Variants in DLGAP2 observed in about 807,000 individuals in gnomAD.
DLGAP2 encodes DLG associated protein 2.
DLGAP2 carries 26 observed loss-of-function variants against 100.3 expected under a neutral mutation model. The observed-to-expected ratio is 0.26, with a 90% CI of 0.19 to 0.36. The LOEUF (loss-of-function observed/expected upper bound fraction) is 0.36. Ranked by LOEUF, DLGAP2 falls within the 10% of genes least tolerant of loss-of-function variation. The probability of loss-of-function intolerance (pLI) is 1.00; values close to 1 mark genes in which losing one functional copy is unlikely to be tolerated. For synonymous variants in DLGAP2, 886 were observed against 630.1 expected (o/e 1.41, Z -6.08); for missense variants, 1,858 against 1,453.2 (o/e 1.28, Z -4.53).
chr8:977,368 C>A (rs926357778), intron 2 of DLGAP2, among the ~76,000 whole-genome samples: 7 of 152,324 alleles, frequency 4.6e-5, no homozygotes, highest in Admixed American at 3.3e-4. Flanking sequence ...GGCAGGTAAA[C>A]AATTTTATGT....
Position 990,217 on chromosome 8 carries a change from T to C in DLGAP2, c.73+82251T>C, listed in dbSNP as rs1800618304. ...GTGAGAGTATTCCCAACTTTTCACCTGTTATATTTGTGTCGTGATGTTGCC... is the reference window on the plus strand; with the variant it reads ...GTGAGAGTATTCCCAACTTTTCACCCGTTATATTTGTGTCGTGATGTTGCC... On this transcript the variant is annotated intron_variant, in intron 2 of 14. Transcript: ENST00000637795. 8.5e-5 allele frequency among the ~76,000 whole-genome samples: 13 copies of C among 152,130 alleles called. No individual in the cohort carries two copies. The South Asian group carries it at 2.7e-3, about 32-fold the overall frequency.
At chr8:1,055,561 A>T (rs1158980059) in intron 2 of DLGAP2, among the ~76,000 whole-genome samples, 1 of 152,192 alleles carries the variant, frequency 6.6e-6, no homozygotes, top group Non-Finnish European at 1.5e-5. Flanking sequence ...TAATGGCCCT[A>T]CTAATGTTTT....
At chr8:861,407 C>T (rs1797387719) in intron 1 of DLGAP2, among the ~76,000 whole-genome samples, 1 of 152,112 alleles carries the variant, frequency 6.6e-6, no homozygotes, top group Non-Finnish European at 1.5e-5. Context: ...TCTCCTCATG[C>T]TCGCAGTAGA....
At chr8:1,536,113 A>G (rs115614978) in intron 4 of DLGAP2, among the ~76,000 whole-genome samples, 1,994 of 152,310 alleles carry the variant, frequency 0.013, 44 homozygotes, top group African/African-American at 0.045. Context: ...ACAAGCACCT[A>G]GGGCAGGTGG....
intron 3 of DLGAP2, among the ~76,000 whole-genome samples, chr8:1,286,176 T>C (rs999084248): frequency 4.6e-5 from 7 of 152,072 alleles, no homozygotes; most frequent in African/African-American, 1.7e-4. Flanking sequence ...GATGTGATGG[T>C]TTTATAAGGG....
intron 2 of DLGAP2, among the ~76,000 whole-genome samples, chr8:1,147,512 T>G (rs1796629165): frequency 6.6e-6 from 1 of 151,674 alleles, no homozygotes; most frequent in South Asian, 2.1e-4. Context: ...CTCATCAAGA[T>G]GATTATGTAA....
chr8:1,036,205 G>C (rs1337319400), intron 2 of DLGAP2, among the ~76,000 whole-genome samples: 4 of 114,786 alleles, frequency 3.5e-5, no homozygotes, highest in Non-Finnish European at 5.5e-5. Context: ...TGGGTTCACA[G>C]CCTCATCCCG....
chr8:1,669,644 T>C, intron 9 of DLGAP2, 99 bp from the exon 10 acceptor site: 1 of 772,258 alleles, frequency 1.3e-6, no homozygotes. Context: ...CGTGCGGCGC[T>C]GGTAGCTAGG....
intron 2 of DLGAP2, among the ~76,000 whole-genome samples, chr8:1,009,450 C>A (rs971871452): frequency 6.6e-6 from 1 of 152,016 alleles, no homozygotes; most frequent in African/African-American, 2.4e-5. Context: ...GAGTTAATAC[C>A]CTAGGACAGA....
At chr8:1,105,560 C>G (rs1487938311) in intron 2 of DLGAP2, among the ~76,000 whole-genome samples, 3 of 149,764 alleles carry the variant, frequency 2.0e-5, no homozygotes, top group Non-Finnish European at 4.4e-5. Flanking sequence ...TGCCGGTGCA[C>G]TATCTACTGA....
intron 3 of DLGAP2, among the ~76,000 whole-genome samples, chr8:1,277,716 C>T (rs752145508): frequency 1.3e-5 from 2 of 152,040 alleles, no homozygotes; most frequent in Admixed American, 6.6e-5. Context: ...GCACCGAGGT[C>T]GGGGCAGGAA....
At chr8:1,610,393 G>A (rs1344152596) in intron 6 of DLGAP2, among the ~76,000 whole-genome samples, 7 of 151,408 alleles carry the variant, frequency 4.6e-5, no homozygotes, top group Admixed American at 3.3e-4. Context: ...AAAGCAGTGT[G>A]TAGAGGGAAA....
chr8:1,569,052 G>T (rs1349365231), intron 6 of DLGAP2, among the ~76,000 whole-genome samples: 8 of 144,146 alleles, frequency 5.5e-5, no homozygotes, highest in Non-Finnish European at 1.0e-4. Context: ...CAGCCCCCAT[G>T]CCACTGCCCA....
chr8:760,033 A>G (rs1299580965), intron 1 of DLGAP2, among the ~76,000 whole-genome samples: 3 of 152,204 alleles, frequency 2.0e-5, no homozygotes, highest in African/African-American at 7.2e-5. Flanking sequence ...GCTTTTTTGT[A>G]TAAGCCGAAC....
chr8:1,391,031 A>G (rs146683703), intron 3 of DLGAP2, among the ~76,000 whole-genome samples: 1 of 152,232 alleles, frequency 6.6e-6, no homozygotes, highest in African/African-American at 2.4e-5. Flanking sequence ...GTCATCTGGA[A>G]CACGTGCCTT....
intron 3 of DLGAP2, among the ~76,000 whole-genome samples, chr8:1,294,593 C>T (rs184292653): frequency 2.6e-5 from 4 of 152,200 alleles, no homozygotes; most frequent in African/African-American, 9.6e-5. Context: ...GGGTCAATGT[C>T]GAATTGGAAT....
At chr8:1,087,555 T>C (rs113387843) in intron 2 of DLGAP2, among the ~76,000 whole-genome samples, 28 of 84,004 alleles carry the variant, frequency 3.3e-4, no homozygotes, top group Non-Finnish European at 6.8e-4. Flanking sequence ...CTCTCTCTCT[T>C]TTTTTTTTTT....
In DLGAP2 at chr8:1,573,131, T is replaced by C. The variant is rs530944876; in HGVS notation, c.1442+7237T>C. ...TGAACTGTGGGGGCATCTGATGAGA[T>C]GGAGAGGAGAGATGGTGAACTGGAG... On this transcript the variant is annotated intron_variant, in intron 6 of 14. Transcript: ENST00000637795. Among the ~76,000 whole-genome samples the C allele has an allele frequency of 4.1e-4, 51 of 124,140 alleles. 2 individuals are homozygous for C. The highest frequency in any genetic ancestry group is 1.7e-3 in the African/African-American group (51 of 29,886). 81.4% of individuals were successfully genotyped at this position (124,140 alleles called of 152,430 possible).
In DLGAP2 at chr8:1,501,283, G is replaced by A. The variant is rs115877753; in HGVS notation, c.107-83G>A. ...CTGTCATGTTTGAACTGTTGAGTGT[G>A]GAGGGTTTTGAAGATGTGCAGGGAA... On this transcript the variant is annotated intron_variant, in intron 3 of 14. Transcript: ENST00000637795. The A allele has an allele frequency of 1.6e-3, 2,249 of 1,386,678 alleles. 31 individuals are homozygous for A. The African/African-American group carries it at 0.027, about 17-fold the overall frequency. The allele number at this position is 1,386,678 out of a possible 1,614,324, so 85.9% of individuals were successfully genotyped here.
Sources: gnomAD v4.1 joint callset for allele counts (sites outside exome capture counted in the v4.1 genomes callset) on GRCh38, gnomAD v4.1.1 for gene constraint, MANE v1.5 for transcripts, NCBI Gene and HGNC (gene_info 2026-07-23, HGNC 2026-07-21) for gene names.